Variants in ARL15 observed in about 807,000 individuals in gnomAD.
ARL15 encodes ARF like GTPase 15.
A neutral mutation model predicts 25.2 loss-of-function variants in ARL15; 19 were observed. That is an observed-to-expected ratio of 0.75 (90% CI 0.53 to 1.10). The LOEUF is 1.10. ARL15 is among the 50% of genes least tolerant of loss of function. The probability of loss-of-function intolerance (pLI) is 0.00; values close to 1 mark genes in which losing one functional copy is unlikely to be tolerated. For synonymous variants in ARL15, 94 were observed against 86.8 expected, an observed-to-expected ratio of 1.08 and a Z score of -0.46; for missense variants, 220 against 246.0, an observed-to-expected ratio of 0.89 and a Z score of 0.71.
intron 3 of ARL15, among the ~76,000 whole-genome samples, chr5:54,119,840 T>A (rs1393409258): frequency 6.6e-6 from 1 of 152,170 alleles, no homozygotes; most frequent in African/African-American, 2.4e-5. Flanking sequence ...AGGGGCCAGA[T>A]CAAATGTTGC....
chr5:53,973,979 A>C (rs1440563784), intron 4 of ARL15, among the ~76,000 whole-genome samples: 1 of 152,112 alleles, frequency 6.6e-6, no homozygotes, highest in Admixed American at 6.6e-5. Flanking sequence ...TTAAAAAAAA[A>C]CAGAAAAAAA....
chr5:54,307,726 A>C (rs890214626), intron 1 of ARL15, among the ~76,000 whole-genome samples: 2 of 152,328 alleles, frequency 1.3e-5, no homozygotes, highest in East Asian at 3.9e-4. Flanking sequence ...TAAAAAGGTT[A>C]AGTGACGACA....
intron 4 of ARL15, among the ~76,000 whole-genome samples, chr5:54,103,560 G>T (rs1035318320): frequency 6.6e-6 from 1 of 152,064 alleles, no homozygotes; most frequent in Non-Finnish European, 1.5e-5. Flanking sequence ...AGTGAAAGGA[G>T]GTACTATAAA....
chr5:54,180,102 T>C (rs1240057283), intron 1 of ARL15, among the ~76,000 whole-genome samples: 2 of 151,994 alleles, frequency 1.3e-5, no homozygotes, highest in African/African-American at 2.4e-5. Flanking sequence ...AAAAATCTCT[T>C]TTGAAACAGC....
At chr5:54,291,443 T>A (rs1758316937) in intron 1 of ARL15, among the ~76,000 whole-genome samples, 1 of 152,238 alleles carries the variant, frequency 6.6e-6, no homozygotes, top group Admixed American at 6.5e-5. Flanking sequence ...GTTGTGTAAT[T>A]ATTAGACTGT....
At chr5:54,125,632 T>A (rs1753227778) in intron 3 of ARL15, among the ~76,000 whole-genome samples, 1 of 152,226 alleles carries the variant, frequency 6.6e-6, no homozygotes, top group Non-Finnish European at 1.5e-5. Flanking sequence ...CCATGAATAT[T>A]GGTGCACAAG....
chr5:54,296,619 A>G (rs962357465), intron 1 of ARL15, among the ~76,000 whole-genome samples: 1 of 152,252 alleles, frequency 6.6e-6, no homozygotes, highest in African/African-American at 2.4e-5. Flanking sequence ...TATAACACAG[A>G]CAGGAACAAA....
At chr5:54,291,318 C>T (rs946584232) in intron 1 of ARL15, among the ~76,000 whole-genome samples, 3 of 152,200 alleles carry the variant, frequency 2.0e-5, no homozygotes, top group Non-Finnish European at 4.4e-5. Context: ...ATACTAAAAT[C>T]TGTGGATGCT....
rs148235205 is a variant in ARL15, at chr5:54,040,021, G to T, written c.462+73181C>A. Among the ~76,000 whole-genome samples the T allele has an allele frequency of 1.5e-4, 23 of 152,218 alleles. No individual in the cohort carries two copies. The East Asian group carries it at 3.9e-3, about 26-fold the overall frequency. On this transcript the variant is annotated intron_variant, in intron 4 of 4. Transcript: ENST00000504924. The stretch of plus-strand genomic sequence containing the variant: ...TTCCAATTTCAAACAAGAAAGGGCA[G>T]ATTAGACATTTGACTCATTTGACAA...
chr5:54,279,229 G>C (rs1432743780), intron 1 of ARL15, among the ~76,000 whole-genome samples: 1 of 146,338 alleles, frequency 6.8e-6, no homozygotes, highest in Non-Finnish European at 1.5e-5. Flanking sequence ...TTTTTTTCTG[G>C]TTTATGTTAT....
chr5:54,200,318 A>C (rs1755683103), intron 1 of ARL15, among the ~76,000 whole-genome samples: 2 of 151,352 alleles, frequency 1.3e-5, no homozygotes, highest in South Asian at 4.1e-4. Flanking sequence ...AGAGAAAAAA[A>C]AGAAAAAAAT....
chr5:54,070,955 G>A (rs1200634557), intron 4 of ARL15, among the ~76,000 whole-genome samples: 1 of 151,992 alleles, frequency 6.6e-6, no homozygotes, highest in Non-Finnish European at 1.5e-5. Context: ...GATCTCCTGA[G>A]CTCAGGAATT....
At chr5:54,282,290 C>T in intron 1 of ARL15, 1 of 985,422 alleles carries the variant, frequency 1.0e-6, no homozygotes, top group Middle Eastern at 5.2e-4. Flanking sequence ...CCCAATTCTA[C>T]AAACAGCAAA....
At chr5:54,059,572 G>C (rs926360282) in intron 4 of ARL15, among the ~76,000 whole-genome samples, 1 of 152,140 alleles carries the variant, frequency 6.6e-6, no homozygotes, top group African/African-American at 2.4e-5. Flanking sequence ...TTGAGAAAAT[G>C]TGAGAAAGAA....
At chr5:54,204,804 C>T (rs1755819334) in intron 1 of ARL15, among the ~76,000 whole-genome samples, 1 of 152,128 alleles carries the variant, frequency 6.6e-6, no homozygotes, top group South Asian at 2.1e-4. Context: ...GCAAACAAAG[C>T]TCATTTAGTA....
intron 4 of ARL15, among the ~76,000 whole-genome samples, chr5:53,915,747 T>G: frequency 6.6e-6 from 1 of 152,234 alleles, no homozygotes; most frequent in Non-Finnish European, 1.5e-5. Flanking sequence ...TTACCCTTTT[T>G]CTTTAGAATG....
intron 4 of ARL15, among the ~76,000 whole-genome samples, chr5:53,958,538 C>A (rs1288545214): frequency 6.6e-6 from 1 of 151,932 alleles, no homozygotes; most frequent in Non-Finnish European, 1.5e-5. Flanking sequence ...ATACAGAAAA[C>A]AAATAGCAAA....
At chr5:54,264,006 A>T (rs1477293512) in intron 1 of ARL15, among the ~76,000 whole-genome samples, 3 of 152,002 alleles carry the variant, frequency 2.0e-5, no homozygotes, top group Admixed American at 2.0e-4. Flanking sequence ...TCAGTATATC[A>T]CAGAATACCT....
chr5:54,020,717 G>A (rs931702373), intron 4 of ARL15, among the ~76,000 whole-genome samples: 2 of 151,930 alleles, frequency 1.3e-5, no homozygotes, highest in African/African-American at 4.8e-5. Flanking sequence ...ACTTTGGGAG[G>A]CTCAGGTGGC....
Sources: gnomAD v4.1 joint callset for allele counts (sites outside exome capture counted in the v4.1 genomes callset) on GRCh38, gnomAD v4.1.1 for gene constraint, MANE v1.5 for transcripts, NCBI Gene and HGNC (gene_info 2026-07-23, HGNC 2026-07-21) for gene names.